NFIB: variants seen among roughly 807,000 people sequenced by gnomAD.
NFIB encodes the protein nuclear factor 1 B-type.
A neutral mutation model predicts 61.5 loss-of-function variants in NFIB; 11 were observed. The ratio of observed to expected loss-of-function variants is 0.18; its 90% CI spans 0.11 to 0.30. The LOEUF is 0.30. Ranked by LOEUF, NFIB falls within the 10% of genes least tolerant of loss-of-function variation. The pLI is 1.00. For synonymous variants in NFIB, 260 were observed against 216.5 expected (o/e 1.20, Z -1.76); for missense variants, 471 against 608.9 (o/e 0.77, Z 2.38).
chr9:14,190,522 A>G (rs902187502), intron 2 of NFIB, among the ~76,000 whole-genome samples: 7 of 152,190 alleles, frequency 4.6e-5, no homozygotes, highest in Non-Finnish European at 8.8e-5. Flanking sequence ...AAGTGGTTCA[A>G]AGAACTTCTG....
the NFIB span, among the ~76,000 whole-genome samples, chr9:14,419,570 G>A: frequency 4.6e-5 from 7 of 151,942 alleles, no homozygotes; most frequent in South Asian, 2.1e-4. Context: ...ATTTTGCAAC[G>A]AGCCCTGTTA....
At chr9:14,293,170 C>T (rs566567805) in intron 2 of NFIB, among the ~76,000 whole-genome samples, 3 of 152,190 alleles carry the variant, frequency 2.0e-5, no homozygotes, top group Non-Finnish European at 4.4e-5. Flanking sequence ...AAAACTGTCA[C>T]TAATCAGTGT....
intron 2 of NFIB, among the ~76,000 whole-genome samples, chr9:14,200,392 G>A (rs2048902591): frequency 6.6e-6 from 1 of 152,030 alleles, no homozygotes; most frequent in African/African-American, 2.4e-5. Flanking sequence ...TTAGACCAAG[G>A]AATAAAACAC....
chr9:14,091,726 G>C lies in NFIB; in HGVS notation c.1468-3400C>G, dbSNP rs190461620. 1.2e-4 allele frequency among the ~76,000 whole-genome samples: 19 copies of C among 152,018 alleles called. No homozygotes were observed. In the East Asian group the frequency reaches 3.3e-3, roughly 26 times the overall value. On this transcript the variant is annotated intron_variant, in intron 10 of 10. Transcript: ENST00000380953. Reference sequence around the variant, plus strand: ...AAAGAGAAGATGAGCATAGCTGAAAGTTGAAAGCACATCTTTAGAAAATAT... The same window carrying C: ...AAAGAGAAGATGAGCATAGCTGAAACTTGAAAGCACATCTTTAGAAAATAT...
chr9:14,390,272 C>T (rs1022190374), intron 1 of NFIB, among the ~76,000 whole-genome samples: 23 of 152,112 alleles, frequency 1.5e-4, no homozygotes, highest in African/African-American at 5.3e-4. Context: ...GATTACTTTA[C>T]CATTCTAAGC....
At chr9:14,377,372 C>A (rs2132988879) in intron 1 of NFIB, among the ~76,000 whole-genome samples, 1 of 152,284 alleles carries the variant, frequency 6.6e-6, no homozygotes, top group South Asian at 2.1e-4. Context: ...CACACCACCA[C>A]ACCTGGCTAT....
At chr9:14,321,988 G>C (rs1245717950) in intron 1 of NFIB, 1 of 1,227,342 alleles carries the variant, frequency 8.1e-7, no homozygotes, top group African/African-American at 1.6e-5. Flanking sequence ...GTCTGTAACA[G>C]AACCCTGGGC....
intron 10 of NFIB, among the ~76,000 whole-genome samples, chr9:14,106,545 T>C (rs1031577586): frequency 5.9e-5 from 9 of 152,100 alleles, no homozygotes; most frequent in African/African-American, 1.7e-4. Flanking sequence ...ACCTTGTTCC[T>C]GGCCCAGTTC....
the NFIB span, among the ~76,000 whole-genome samples, chr9:14,482,443 A>C: frequency 6.6e-6 from 1 of 152,118 alleles, no homozygotes; most frequent in African/African-American, 2.4e-5. Flanking sequence ...CCCCATTTGC[A>C]GAACCCCTCA....
At chr9:14,134,247 T>C (rs964175572) in intron 6 of NFIB, among the ~76,000 whole-genome samples, 2 of 152,194 alleles carry the variant, frequency 1.3e-5, no homozygotes, top group African/African-American at 4.8e-5. Flanking sequence ...CAGGCACTGC[T>C]CTAGGGAATG....
chr9:14,148,698 G>A (rs2042552217), intron 5 of NFIB, among the ~76,000 whole-genome samples: 1 of 151,552 alleles, frequency 6.6e-6, no homozygotes, highest in African/African-American at 2.4e-5. Context: ...TCTTTCCACT[G>A]CACTGTGTTT....
chr9:14,240,321 A>G lies in NFIB; in HGVS notation c.563-60541T>C, dbSNP rs1397312888. Among the ~76,000 whole-genome samples the G allele has an allele frequency of 2.0e-5, 3 of 152,162 alleles. No individual in the cohort carries two copies. The East Asian group carries it at 5.8e-4, about 29-fold the overall frequency. The stretch of plus-strand genomic sequence containing the variant: ...TACCCTACTATATATCCTGCCATAT[A>G]TCTTTATACTCCAATTTCCTACCTA... On this transcript the variant is annotated intron_variant, in intron 2 of 10. Coordinates refer to ENST00000380953, the MANE Select transcript of NFIB (RefSeq NM_001190737.2).
At chr9:14,122,396 G>T (rs1042502705) in intron 7 of NFIB, among the ~76,000 whole-genome samples, 1 of 152,088 alleles carries the variant, frequency 6.6e-6, no homozygotes, top group Non-Finnish European at 1.5e-5. Context: ...CAGACCTAGG[G>T]GATCAGGACC....
At chr9:14,269,187 A>C (rs1189165218) in intron 2 of NFIB, among the ~76,000 whole-genome samples, 1 of 152,202 alleles carries the variant, frequency 6.6e-6, no homozygotes, top group Non-Finnish European at 1.5e-5. Context: ...ATGTGATATC[A>C]CATATAATAC....
At chr9:14,156,698 G>A (rs377064526) in intron 3 of NFIB, among the ~76,000 whole-genome samples, 1 of 152,192 alleles carries the variant, frequency 6.6e-6, no homozygotes, top group Non-Finnish European at 1.5e-5. Context: ...ACAAACAACA[G>A]TAACCCTGCA....
At chr9:14,512,268 G>C in the NFIB span, among the ~76,000 whole-genome samples, 91 of 152,182 alleles carry the variant, frequency 6.0e-4, 1 homozygote, top group African/African-American at 2.0e-3. Flanking sequence ...ACTTTTAGAG[G>C]GGTTCAGAGT....
At chr9:14,287,377 T>C (rs940107220) in intron 2 of NFIB, among the ~76,000 whole-genome samples, 112 of 149,234 alleles carry the variant, frequency 7.5e-4, no homozygotes, top group African/African-American at 2.0e-3. Flanking sequence ...TGCAGTGAGC[T>C]GAGATCACGC....
intron 2 of NFIB, among the ~76,000 whole-genome samples, chr9:14,287,872 C>CAA (rs1372386034): frequency 6.6e-6 from 1 of 151,850 alleles, no homozygotes; most frequent in East Asian, 1.9e-4. Context: ...CTTTTAGCAG[C>CAA]AAAAAAGTAT....
chr9:14,434,031 C>T, the NFIB span, among the ~76,000 whole-genome samples: 2 of 152,326 alleles, frequency 1.3e-5, no homozygotes, highest in East Asian at 3.8e-4. Context: ...AAGAGCTGAG[C>T]ACTAAGCTTT....
Sources: gnomAD v4.1 joint callset for allele counts (sites outside exome capture counted in the v4.1 genomes callset) on GRCh38, gnomAD v4.1.1 for gene constraint, MANE v1.5 for transcripts, NCBI Gene and HGNC (gene_info 2026-07-23, HGNC 2026-07-21) for gene names.